Variants in CDH15 observed in about 807,000 individuals in gnomAD.
The protein encoded by CDH15 is cadherin 15.
A neutral mutation model predicts 69.4 loss-of-function variants in CDH15; 73 were observed. That is an observed-to-expected ratio of 1.05 (90% CI 0.87 to 1.28). The LOEUF (loss-of-function observed/expected upper bound fraction) is 1.28. Among genes scored for constraint, CDH15 ranks in the 50% most tolerant of loss-of-function variants. CDH15 has a pLI of 0.00. For missense variants in CDH15, 1,343 were observed against 1,133.6 expected (o/e 1.18, Z -2.65); for synonymous variants, 624 against 507.7 (o/e 1.23, Z -3.08).
intron 7 of CDH15, 46 bp from the exon 8 acceptor site, chr16:89,190,197 C>T (rs1227568611): frequency 1.2e-6 from 2 of 1,600,906 alleles, no homozygotes; most frequent in South Asian, 1.1e-5. Context: ...CCTCGGGTGC[C>T]CACACTTGCG....
At position 89,185,680 on chromosome 16, in the gene CDH15, C is replaced by T. The variant is rs150497701; in HGVS notation, c.663+347C>T. 610 of 375,088 alleles carry T rather than the reference C, an allele frequency of 1.6e-3. 3 individuals are homozygous for T. Among genetic ancestry groups the T allele is most frequent in the African/African-American group, 0.011 (539 of 48,348 alleles). 23.2% of individuals were successfully genotyped at this position (375,088 alleles called of 1,614,324 possible). On this transcript the variant is annotated intron_variant, in intron 5 of 13. Transcript: ENST00000289746. ...CAGGGCCCCTGTTGCCCCTTGCTGT[C>T]GGACTTCGGTGCTCCCGGAAGACCC... is the stretch of plus-strand genomic sequence containing the variant.
Position 89,191,897 on chromosome 16 carries a change from G to A in CDH15, c.1615+3G>A, listed in dbSNP as rs755682005. 116 of 1,559,326 alleles carry A rather than the reference G, an allele frequency of 7.4e-5. 2 individuals are homozygous for A. The East Asian group carries it at 9.8e-4, about 13-fold the overall frequency. On this transcript the variant is annotated splice_donor_region_variant and intron_variant, in intron 10 of 13. Coordinates refer to ENST00000289746, the MANE Select transcript of CDH15 (RefSeq NM_004933.3). ...CTGGAGCCTCAGCCAGGTCAACGGTGCGCTCCCCTCACCGCCGCGCTCCCC... is the reference window on the plus strand; with the variant it reads ...CTGGAGCCTCAGCCAGGTCAACGGTACGCTCCCCTCACCGCCGCGCTCCCC...
At position 89,180,358 on chromosome 16, in the gene CDH15, G is replaced by A; in HGVS notation, c.357+3G>A. 1 of 1,610,884 alleles carries A rather than the reference G, an allele frequency of 6.2e-7. No homozygotes were observed. Among genetic ancestry groups the A allele is most frequent in the Non-Finnish European group, 8.5e-7 (1 of 1,178,910 alleles). On this transcript the variant is annotated splice_donor_region_variant and intron_variant, in intron 3 of 13. Transcript: ENST00000289746. The stretch of plus-strand genomic sequence containing the variant: ...GCGAGAAGACTGATCGCTTCAGGGT[G>A]CGGAGCTGCGTGGTCGGACCTGTGC...
chr16:89,185,580 G>A, intron 5 of CDH15: 2 of 573,334 alleles, frequency 3.5e-6, no homozygotes, highest in Non-Finnish European at 6.3e-6. Context: ...CACAGGGCAG[G>A]GCTCCCCAAG....
At chr16:89,188,925 C>T (rs1183613954) in intron 7 of CDH15, among the ~76,000 whole-genome samples, 25 of 141,788 alleles carry the variant, frequency 1.8e-4, no homozygotes, top group African/African-American at 6.6e-4. Flanking sequence ...CACACAGGTG[C>T]CCACACACAG....
chr16:89,188,175 G>C lies in CDH15; in HGVS notation c.868G>C (p.Gly290Arg). Residue 290 changes from glycine to arginine, a missense_variant, in exon 7 of 14, where the codon GGC becomes CGC. Transcript: ENST00000289746. The part of the protein sequence containing the change: ...RLEVEDRDLP[G>R]SPNWVARFTI... ...GGAAGTGGAGGACAGGGACCTGCCA[G>C]GCTCCCCAAACTGGGTGGCCAGGTT... 1 of 1,613,478 alleles carries C rather than the reference G, an allele frequency of 6.2e-7. No homozygotes were observed. The highest frequency in any genetic ancestry group is 8.5e-7 in the Non-Finnish European group (1 of 1,179,884).
chr16:89,192,303 G>A lies in CDH15; in HGVS notation c.1714G>A (p.Glu572Lys). The stretch of plus-strand genomic sequence containing the variant: ...CTCGGGGCAGCCGCCCCAGCAGCGC[G>A]AGCAGCCTCTGAACGTGACCGTGTG... ...RDSGQPPQQR[E>K]QPLNVTVCRC... is the part of the protein sequence containing the mutation. The change falls in exon 11 of 14, where the codon GAG (glutamate) becomes AAG (lysine). Residue 572 changes from glutamate (E) to lysine (K), a missense_variant. Coordinates refer to ENST00000289746, the MANE Select transcript of CDH15 (RefSeq NM_004933.3). 5.9e-6 allele frequency: 9 copies of A among 1,533,530 alleles called. No individual in the cohort carries two copies. Among genetic ancestry groups the A allele is most frequent in the Non-Finnish European group, 7.9e-6 (9 of 1,146,456 alleles). 95.0% of individuals were successfully genotyped at this position (1,533,530 alleles called of 1,614,324 possible). A position where few individuals can be genotyped will look rare whatever the true frequency, so the allele number is the denominator to read the frequency against.
In CDH15 at chr16:89,191,851, G is replaced by T. The variant is rs749139709; in HGVS notation, c.1572G>T (p.Arg524Ser). 2.8e-5 allele frequency: 45 copies of T among 1,599,144 alleles called. No homozygotes were observed. In the African/African-American group the frequency reaches 5.7e-4, roughly 20 times the overall value. Reference sequence around the variant, plus strand: ...CCTTCCACTTCCAGCTGAGCCCCAGGCTCCCAGAGCTCGGCCGGAACTGGA... The same window carrying T: ...CCTTCCACTTCCAGCTGAGCCCCAGTCTCCCAGAGCTCGGCCGGAACTGGA... Reference protein sequence around the residue: ...GAPFHFQLSPRLPELGRNWSL... With the variant: ...GAPFHFQLSPSLPELGRNWSL... The change falls in exon 10 of 14, where the codon AGG (arginine) becomes AGT (serine). Residue 524 changes from arginine to serine, a missense_variant. Physicochemically the swap from Arg to Ser is moderately radical, Grantham distance 110 (BLOSUM62 -1). Coordinates refer to ENST00000289746, the MANE Select transcript of CDH15 (RefSeq NM_004933.3).
intron 1 of CDH15, among the ~76,000 whole-genome samples, chr16:89,178,715 G>A (rs764922857): frequency 1.5e-4 from 23 of 152,234 alleles, no homozygotes; most frequent in Non-Finnish European, 2.4e-4. Context: ...GTTGGGGGCC[G>A]CTGTATGAAT....
At chr16:89,172,266 G>C (rs905667538) in intron 1 of CDH15, among the ~76,000 whole-genome samples, 4 of 152,056 alleles carry the variant, frequency 2.6e-5, no homozygotes, top group Non-Finnish European at 5.9e-5. Flanking sequence ...TGGGGGCCAG[G>C]TTTCTATAGG....
rs776233178 is a variant in CDH15, at chr16:89,194,824, C to G, written c.2152-38C>G. The G allele has an allele frequency of 3.0e-5, 47 of 1,571,886 alleles. No homozygotes were observed. In the South Asian group the frequency reaches 5.0e-4, roughly 17 times the overall value. ...CCACGGCGGTGGGGCACCCGCTGGC[C>G]CCTCCATGTGTCTTGAGCTCTCCGG... On this transcript the variant is annotated intron_variant, in intron 13 of 13. Transcript: ENST00000289746.
intron 4 of CDH15, 152 bp from the exon 5 acceptor site, chr16:89,185,021 G>A (rs1433807538): frequency 2.1e-5 from 15 of 722,560 alleles, no homozygotes; most frequent in East Asian, 5.4e-5. Flanking sequence ...CCTCGGTGAC[G>A]CAAACAGCAG....
intron 3 of CDH15, among the ~76,000 whole-genome samples, chr16:89,180,973 C>A (rs1915364495): frequency 1.2e-5 from 1 of 82,560 alleles, no homozygotes; most frequent in Non-Finnish European, 2.3e-5. Flanking sequence ...CCGCGCCCGA[C>A]CTTTTTTTTT....
chr16:89,187,625 C>T, intron 6 of CDH15, 68 bp downstream of exon 6: 1 of 1,592,716 alleles, frequency 6.3e-7, no homozygotes, highest in South Asian at 1.1e-5. Flanking sequence ...TGGGCTCCTG[C>T]AGAAGGCAGC....
At chr16:89,191,545 G>C (rs1771633969) in intron 9 of CDH15, 73 bp downstream of exon 9, 2 of 1,597,114 alleles carry the variant, frequency 1.3e-6, no homozygotes, top group African/African-American at 2.7e-5. Flanking sequence ...CAGTGTCGGA[G>C]GGCTCTGCCC....
chr16:89,180,943 T>G (rs796375143), intron 3 of CDH15, among the ~76,000 whole-genome samples: 2 of 143,628 alleles, frequency 1.4e-5, no homozygotes, highest in African/African-American at 5.2e-5. Context: ...CAGGATGGTC[T>G]CGATCTCCTG....
At chr16:89,177,679 A>C (rs1312806289) in intron 1 of CDH15, among the ~76,000 whole-genome samples, 3 of 152,016 alleles carry the variant, frequency 2.0e-5, no homozygotes, top group African/African-American at 7.2e-5. Flanking sequence ...GCCCTCACCA[A>C]GTTCAGGCAG....
Position 89,179,409 on chromosome 16 carries a change from G to C in CDH15, c.43-7G>C. 3 of 1,613,576 alleles carry C rather than the reference G, an allele frequency of 1.9e-6. No homozygotes were observed. The highest frequency in any genetic ancestry group is 1.7e-6 in the Non-Finnish European group (2 of 1,179,884). ...GGTACTGTGGGACGCATCTGTCTTT[G>C]TTGCAGAGCCTCTGCCTGTCTTTGG... is the stretch of plus-strand genomic sequence containing the variant. On this transcript the variant is annotated splice_polypyrimidine_tract_variant and splice_region_variant and intron_variant, in intron 1 of 13. Coordinates refer to ENST00000289746, the MANE Select transcript of CDH15 (RefSeq NM_004933.3).
chr16:89,171,876 A>ACGATTGGGAGGGCCC lies in CDH15; in HGVS notation c.42+3_42+4insCGATTGGGAGGGCCC. 1 of 1,556,718 alleles carries ACGATTGGGAGGGCCC rather than the reference A, an allele frequency of 6.4e-7. No homozygotes were observed. Among genetic ancestry groups the ACGATTGGGAGGGCCC allele is most frequent in the Non-Finnish European group, 8.7e-7 (1 of 1,154,218 alleles). Reference sequence around the variant, plus strand: ...TCGTCCTCGGGCTGTTGGCCCAGGTAAGGCATCGGCACCTGCGGGGGTCCC... The same window carrying ACGATTGGGAGGGCCC: ...TCGTCCTCGGGCTGTTGGCCCAGGTACGATTGGGAGGGCCCAGGCATCGGCACCTGCGGGGGTCCC... On this transcript the variant is annotated splice_donor_region_variant and intron_variant, in intron 1 of 13. Coordinates refer to ENST00000289746, the MANE Select transcript of CDH15 (RefSeq NM_004933.3).
Sources: gnomAD v4.1 joint callset for allele counts (sites outside exome capture counted in the v4.1 genomes callset) on GRCh38, gnomAD v4.1.1 for gene constraint, MANE v1.5 for transcripts, NCBI Gene and HGNC (gene_info 2026-07-23, HGNC 2026-07-21) for gene names.